The following UACA variants were observed in gnomAD, a reference collection of about 807,000 sequenced individuals.
The protein encoded by UACA is nuclear membrane binding protein.
A neutral mutation model predicts 160.5 loss-of-function variants in UACA; 112 were observed. That is an observed-to-expected ratio of 0.70 (90% CI 0.60 to 0.82). The LOEUF (loss-of-function observed/expected upper bound fraction) is 0.82, where lower values mean the gene tolerates loss of function less well. UACA is among the 40% of genes least tolerant of loss of function. The pLI is 0.00. For missense variants in UACA, 1,574 were observed against 1,614.6 expected (o/e 0.97, Z 0.43); for synonymous variants, 557 against 568.4 (o/e 0.98, Z 0.29).
chr15:70,727,122 G>A (rs1899168461), intron 1 of UACA, among the ~76,000 whole-genome samples: 1 of 152,112 alleles, frequency 6.6e-6, no homozygotes, highest in Admixed American at 6.6e-5. Flanking sequence ...TTTTTCTTAA[G>A]GGTTAAATTT....
chr15:70,754,066 A>G (rs1468052490), intron 1 of UACA: 3 of 454,300 alleles, frequency 6.6e-6, no homozygotes. Context: ...TCGGCCTTCC[A>G]AAGTGTTGGG....
intron 5 of UACA, among the ~76,000 whole-genome samples, chr15:70,689,080 G>A (rs1329227079): frequency 6.6e-6 from 1 of 152,108 alleles, no homozygotes; most frequent in Non-Finnish European, 1.5e-5. Flanking sequence ...CCAAGTCTGA[G>A]TTCCAGACTT....
In UACA at chr15:70,669,281, G is replaced by T; in HGVS notation, c.1403C>A (p.Ala468Glu). Reference sequence around the variant, plus strand: ...AGCTTTGCATTCTGCCACTTTGTGTGCCAGTTCATTTTGGAGCTTCAGTCG... The same window carrying T: ...AGCTTTGCATTCTGCCACTTTGTGTTCCAGTTCATTTTGGAGCTTCAGTCG... The part of the protein sequence containing the change: ...QDRLKLQNEL[A>E]HKVAECKALA... Residue 468 changes from alanine to glutamate, a missense_variant, in exon 16 of 19, where the codon GCA (alanine) becomes GAA (glutamate). Transcript: ENST00000322954. 1 of 1,613,964 alleles carries T rather than the reference G, an allele frequency of 6.2e-7. No individual in the cohort carries two copies. The highest frequency in any genetic ancestry group is 8.5e-7 in the Non-Finnish European group (1 of 1,179,950).
intron 1 of UACA, among the ~76,000 whole-genome samples, chr15:70,721,958 A>G (rs1228325257): frequency 6.6e-6 from 1 of 152,252 alleles, no homozygotes; most frequent in African/African-American, 2.4e-5. Context: ...AGGTGATTCC[A>G]TGAACTCAGT....
chr15:70,753,780 G>A (rs75423773), intron 1 of UACA, among the ~76,000 whole-genome samples: 4,054 of 152,278 alleles, frequency 0.027, 206 homozygotes, highest in African/African-American at 0.092. Flanking sequence ...ATTTGTATGT[G>A]CTCAAATAAT....
At chr15:70,672,561 T>C (rs1319892112) in intron 13 of UACA, among the ~76,000 whole-genome samples, 3 of 152,190 alleles carry the variant, frequency 2.0e-5, no homozygotes, top group Non-Finnish European at 4.4e-5. Flanking sequence ...TAGGAAATAA[T>C]AGAGAACTCT....
rs34361847 is a variant in UACA at position 70,700,318 on chromosome 15, T to TACACACACACAC, written c.79-670_79-659dup. ...GGCAAATTGTATATATATATATATA[T>TACACACACACAC]ACACACACACACACACACACACATT... On this transcript the variant is annotated intron_variant, in intron 1 of 18. Coordinates refer to ENST00000322954, the MANE Select transcript of UACA (RefSeq NM_018003.4). Among the ~76,000 whole-genome samples, 320 of 139,810 alleles carry TACACACACACAC rather than the reference T, an allele frequency of 2.3e-3. 4 individuals carry two copies. The highest frequency in any genetic ancestry group is 8.9e-3 in the African/African-American group (307 of 34,352). The allele number at this position is 139,810 out of a possible 152,430, so 91.7% of individuals were successfully genotyped here.
In UACA at chr15:70,667,254, T is replaced by C; in HGVS notation, c.3430A>G (p.Lys1144Glu). The change falls in exon 16 of 19, where the codon AAA becomes GAA. Residue 1144 changes from lysine to glutamate, a missense_variant. Physicochemically the swap from Lys to Glu is moderately conservative, Grantham distance 56. Transcript: ENST00000322954. ...ELKSMQRCYEKEQQTVTKLHQ... is the reference protein window; with the variant it reads ...ELKSMQRCYEEEQQTVTKLHQ... ...AGTTTGGTCACTGTCTGCTGCTCTT[T>C]CTCGTAACACCTTTGCATACTCTTC... The C allele has an allele frequency of 6.2e-7, 1 of 1,613,726 alleles. No individual in the cohort carries two copies.
chr15:70,723,353 T>C (rs115925385), intron 1 of UACA, among the ~76,000 whole-genome samples: 1,671 of 152,274 alleles, frequency 0.011, 26 homozygotes, highest in African/African-American at 0.039. Context: ...GGCGTGGTGG[T>C]ACACATCGGT....
At chr15:70,710,452 C>T (rs976480515) in intron 1 of UACA, among the ~76,000 whole-genome samples, 1 of 152,176 alleles carries the variant, frequency 6.6e-6, no homozygotes, top group African/African-American at 2.4e-5. Flanking sequence ...CAGCACACAA[C>T]ATCTGGGTCT....
chr15:70,671,138 A>T, intron 14 of UACA, 47 bp from the exon 15 acceptor site: 1 of 1,273,318 alleles, frequency 7.9e-7, no homozygotes, highest in Non-Finnish European at 1.1e-6. Context: ...TATCCATACT[A>T]AAGTAGGCTA....
chr15:70,687,582 A>G lies in UACA; in HGVS notation c.560T>C (p.Ile187Thr). 6.2e-7 allele frequency: 1 copy of G among 1,613,946 alleles called. No homozygotes were observed. The highest frequency in any genetic ancestry group is 8.5e-7 in the Non-Finnish European group (1 of 1,179,860). The change falls in exon 7 of 19, where the codon ATA (isoleucine) becomes ACA (threonine). Residue 187 changes from isoleucine to threonine, a missense_variant. By Grantham distance (89) the Ile-to-Thr change is moderately conservative (BLOSUM62 -1). Coordinates refer to ENST00000322954, the MANE Select transcript of UACA (RefSeq NM_018003.4). ...GGAATTAACATCCGCTCCTCTATCT[A>G]TCAGCAGTTGACATATTGTTGGCCT... ...MSRPTICQLLIDRGADVNSRD... is the reference protein window; with the variant it reads ...MSRPTICQLLTDRGADVNSRD...
At chr15:70,694,580 G>A (rs1177596969) in intron 3 of UACA, among the ~76,000 whole-genome samples, 1 of 152,098 alleles carries the variant, frequency 6.6e-6, no homozygotes. Flanking sequence ...AGAATAAAAT[G>A]AATGGGTAAA....
upstream of UACA, among the ~76,000 whole-genome samples, chr15:70,764,454 G>A (rs961152001): frequency 3.9e-5 from 6 of 152,136 alleles, no homozygotes; most frequent in Non-Finnish European, 5.9e-5. Flanking sequence ...TTTGCTGTTC[G>A]GGTGACATCT....
At chr15:70,755,623 T>C (rs980463036) in intron 1 of UACA, among the ~76,000 whole-genome samples, 3 of 151,526 alleles carry the variant, frequency 2.0e-5, no homozygotes, top group Non-Finnish European at 2.9e-5. Context: ...TGGGCCAAGA[T>C]TGCGCCACTG....
In UACA at chr15:70,657,012, A is replaced by G. The variant is rs1238358762; in HGVS notation, c.*44T>C. 2 of 1,530,960 alleles carry G rather than the reference A, an allele frequency of 1.3e-6. No individual in the cohort carries two copies. Among genetic ancestry groups the G allele is most frequent in the Non-Finnish European group, 1.8e-6 (2 of 1,104,744 alleles). The allele number at this position is 1,530,960 out of a possible 1,614,324, so 94.8% of individuals were successfully genotyped here. A position where few individuals can be genotyped will look rare whatever the true frequency, so the allele number is the denominator to read the frequency against. ...CCATGGAGTTGCACAAAGAATGTTCAGCACCAGCAAGATAAAACAGATACT... is the reference window on the plus strand; with the variant it reads ...CCATGGAGTTGCACAAAGAATGTTCGGCACCAGCAAGATAAAACAGATACT... On this transcript the variant is annotated 3_prime_UTR_variant, in exon 19 of 19. Transcript: ENST00000322954.
At chr15:70,742,535 T>C (rs1397242313) in intron 1 of UACA, among the ~76,000 whole-genome samples, 4 of 152,176 alleles carry the variant, frequency 2.6e-5, no homozygotes, top group Non-Finnish European at 5.9e-5. Context: ...AATTCCCAAA[T>C]AAAATTAAGT....
At chr15:70,686,173 C>A (rs1394626946) in intron 7 of UACA, among the ~76,000 whole-genome samples, 2 of 150,764 alleles carry the variant, frequency 1.3e-5, no homozygotes, top group African/African-American at 4.9e-5. Flanking sequence ...TTATTCTGAG[C>A]CAAATGTTAG....
chr15:70,678,001 G>T, intron 11 of UACA, 98 bp downstream of exon 11: 1 of 853,668 alleles, frequency 1.2e-6, no homozygotes, highest in Non-Finnish European at 1.8e-6. Flanking sequence ...CTCCTCTGAA[G>T]TGCAATGAGC....
Sources: gnomAD v4.1 joint callset for allele counts (sites outside exome capture counted in the v4.1 genomes callset) on GRCh38, gnomAD v4.1.1 for gene constraint, MANE v1.5 for transcripts, NCBI Gene and HGNC (gene_info 2026-07-23, HGNC 2026-07-21) for gene names.